PTPRD: variants seen among roughly 807,000 people sequenced by gnomAD.
PTPRD encodes the protein receptor-type tyrosine-protein phosphatase delta.
In PTPRD, 34 loss-of-function variants were observed where a neutral mutation model predicts 214.5. That is an observed-to-expected ratio of 0.16 (90% CI 0.12 to 0.21). The LOEUF is 0.21. Among genes scored for constraint, PTPRD ranks in the 10% least tolerant of loss-of-function variants. The pLI is 1.00. For missense variants in PTPRD, 2,545 were observed against 2,398.7 expected (o/e 1.06, Z -1.27); for synonymous variants, 1,128 against 845.7 (o/e 1.33, Z -5.79).
intron 4 of PTPRD, among the ~76,000 whole-genome samples, chr9:10,006,569 A>G (rs958370130): frequency 6.6e-6 from 1 of 152,014 alleles, no homozygotes; most frequent in Non-Finnish European, 1.5e-5. Flanking sequence ...GAGAATATGC[A>G]TGAATATAAT....
intron 12 of PTPRD, among the ~76,000 whole-genome samples, chr9:8,639,606 A>C (rs1177247935): frequency 6.6e-6 from 1 of 152,204 alleles, no homozygotes; most frequent in Non-Finnish European, 1.5e-5. Context: ...TTTTCCCTGC[A>C]TCTGGATATT....
intron 21 of PTPRD, among the ~76,000 whole-genome samples, chr9:8,512,632 G>C (rs536873132): frequency 3.9e-5 from 6 of 152,004 alleles, no homozygotes; most frequent in African/African-American, 1.4e-4. Context: ...AATGTTTAAA[G>C]TTGATACTAG....
chr9:10,190,096 G>A (rs1425867056), intron 3 of PTPRD, among the ~76,000 whole-genome samples: 1 of 152,096 alleles, frequency 6.6e-6, no homozygotes, highest in African/African-American at 2.4e-5. Context: ...GCCAGGCGCG[G>A]TGGGTCACGC....
rs373181595 is a variant in PTPRD, at chr9:8,633,346, C to G, written c.323G>C (p.Ser108Thr). Residue 108 changes from serine (S) to threonine (T), a missense_variant, in exon 14 of 46, where the codon AGT (serine) becomes ACT (threonine). Coordinates refer to ENST00000381196, the MANE Select transcript of PTPRD (RefSeq NM_002839.4). Reference sequence around the variant, plus strand: ...CAAAACTGTGAGTCTGGTGGATACACTTATTTCTCCCACATTATTTGAGGC... The same window carrying G: ...CAAAACTGTGAGTCTGGTGGATACAGTTATTTCTCCCACATTATTTGAGGC... ...CVASNNVGEI[S>T]VSTRLTVLRE... 10 of 1,612,496 alleles carry G rather than the reference C, an allele frequency of 6.2e-6. No individual in the cohort carries two copies. In the African/African-American group the frequency reaches 1.2e-4, roughly 19 times the overall value.
chr9:9,886,581 T>C (rs2153750638), intron 5 of PTPRD, among the ~76,000 whole-genome samples: 1 of 152,244 alleles, frequency 6.6e-6, no homozygotes, highest in Admixed American at 6.5e-5. Flanking sequence ...TCAGAAGAAA[T>C]TCTACAATGT....
At chr9:9,751,030 G>A (rs1009576555) in intron 6 of PTPRD, among the ~76,000 whole-genome samples, 22 of 152,160 alleles carry the variant, frequency 1.4e-4, no homozygotes, top group African/African-American at 4.6e-4. Flanking sequence ...CAACTTACAC[G>A]ACTTCAGAAT....
intron 7 of PTPRD, among the ~76,000 whole-genome samples, chr9:9,599,045 T>C (rs2154335806): frequency 6.6e-6 from 1 of 152,164 alleles, no homozygotes; most frequent in East Asian, 1.9e-4. Context: ...GGATGATAAA[T>C]GTTTTTGCCC....
At chr9:8,326,620 T>A (rs989203158) in intron 44 of PTPRD, among the ~76,000 whole-genome samples, 1 of 150,914 alleles carries the variant, frequency 6.6e-6, no homozygotes, top group Non-Finnish European at 1.5e-5. Context: ...TTTTGTATTG[T>A]TTGCAATAGT....
intron 11 of PTPRD, among the ~76,000 whole-genome samples, chr9:8,818,995 G>A (rs1289027101): frequency 3.9e-5 from 6 of 152,138 alleles, no homozygotes; most frequent in Non-Finnish European, 8.8e-5. Context: ...TGCAATGTTC[G>A]ACTACTGGGT....
At chr9:10,139,229 G>A (rs185340313) in intron 3 of PTPRD, among the ~76,000 whole-genome samples, 22 of 151,134 alleles carry the variant, frequency 1.5e-4, no homozygotes, top group African/African-American at 5.1e-4. Flanking sequence ...AAATTCAGTG[G>A]AACATAACAG....
rs192744450 is a variant in PTPRD at position 8,747,615 on chromosome 9, A to C, written c.-103-13669T>G. ...ATGGGGTAATCCCTTCCAGGAAACCAAGCCCCAGTACTCAGAAGAAGAAAT... is the reference window on the plus strand; with the variant it reads ...ATGGGGTAATCCCTTCCAGGAAACCCAGCCCCAGTACTCAGAAGAAGAAAT... On this transcript the variant is annotated intron_variant, in intron 11 of 45. Coordinates refer to ENST00000381196, the MANE Select transcript of PTPRD (RefSeq NM_002839.4). Among the ~76,000 whole-genome samples the C allele has an allele frequency of 1.2e-3, 184 of 152,290 alleles. 4 individuals are homozygous for C. In the East Asian group the frequency reaches 0.026, roughly 22 times the overall value.
chr9:9,596,199 A>G (rs757104466), intron 7 of PTPRD, among the ~76,000 whole-genome samples: 4 of 152,016 alleles, frequency 2.6e-5, no homozygotes, highest in Non-Finnish European at 5.9e-5. Flanking sequence ...ATGTGTCAAA[A>G]TGCCAAACTT....
intron 10 of PTPRD, among the ~76,000 whole-genome samples, chr9:9,044,360 G>C (rs1346864894): frequency 1.3e-5 from 2 of 152,238 alleles, no homozygotes; most frequent in Non-Finnish European, 2.9e-5. Flanking sequence ...ACCACTGTGA[G>C]TGGCCCATGT....
intron 13 of PTPRD, among the ~76,000 whole-genome samples, chr9:8,633,824 C>G (rs1465126138): frequency 1.3e-5 from 2 of 151,990 alleles, no homozygotes; most frequent in African/African-American, 4.8e-5. Context: ...TCTCTCACAG[C>G]ACATATACGA....
At chr9:10,396,138 C>T (rs948668011) in intron 2 of PTPRD, among the ~76,000 whole-genome samples, 1 of 151,924 alleles carries the variant, frequency 6.6e-6, no homozygotes, top group Non-Finnish European at 1.5e-5. Context: ...GTTATACCTC[C>T]TCACCTTTTT....
chr9:9,778,473 G>A (rs2761720), intron 5 of PTPRD, among the ~76,000 whole-genome samples: 1 of 151,818 alleles, frequency 6.6e-6, no homozygotes, highest in Non-Finnish European at 1.5e-5. Context: ...GCCCATCCCC[G>A]GGAACTCCCC....
chr9:9,998,547 A>T (rs1403665314), intron 4 of PTPRD, among the ~76,000 whole-genome samples: 1 of 110,564 alleles, frequency 9.0e-6, no homozygotes, highest in Non-Finnish European at 1.9e-5. Context: ...TTATCATGAT[A>T]GCTCTACTAG....
At chr9:10,429,464 G>T (rs606202) in intron 2 of PTPRD, among the ~76,000 whole-genome samples, 3,751 of 151,964 alleles carry the variant, frequency 0.025, 141 homozygotes, top group African/African-American at 0.085. Context: ...ATAAAGTGCG[G>T]TGTATATGCA....
chr9:9,788,169 T>A (rs2098939704), intron 5 of PTPRD, among the ~76,000 whole-genome samples: 1 of 152,114 alleles, frequency 6.6e-6, no homozygotes, highest in African/African-American at 2.4e-5. Flanking sequence ...TTTCTTTCCT[T>A]TTATTGTTTT....
Sources: gnomAD v4.1 joint callset for allele counts (sites outside exome capture counted in the v4.1 genomes callset) on GRCh38, gnomAD v4.1.1 for gene constraint, MANE v1.5 for transcripts, NCBI Gene and HGNC (gene_info 2026-07-23, HGNC 2026-07-21) for gene names.